Variants in DNAH14 observed in about 807,000 individuals in gnomAD.
DNAH14 encodes the protein axonemal beta dynein heavy chain 14.
In DNAH14, 478 loss-of-function variants were observed where a neutral mutation model predicts 520.9. The ratio of observed to expected loss-of-function variants is 0.92; its 90% CI spans 0.85 to 0.99. The LOEUF (loss-of-function observed/expected upper bound fraction) is 0.99, where lower values mean the gene tolerates loss of function less well. Ranked by LOEUF, DNAH14 falls within the 50% of genes least tolerant of loss-of-function variation. The pLI, the probability that DNAH14 is intolerant of heterozygous loss-of-function variation, is 0.00. For synonymous variants in DNAH14, 1,581 were observed against 1,757.2 expected (o/e 0.90, Z 2.51); for missense variants, 4,831 against 5,234.5 (o/e 0.92, Z 2.38).
intron 43 of DNAH14, among the ~76,000 whole-genome samples, chr1:225,244,827 G>A (rs2092182499): frequency 6.6e-6 from 1 of 152,032 alleles, no homozygotes; most frequent in Non-Finnish European, 1.5e-5. Context: ...CTTATGAAGG[G>A]TTTTTCATGT....
chr1:225,300,922 C>A lies in DNAH14; in HGVS notation c.8523C>A (p.Asp2841Glu). Residue 2841 changes from aspartate to glutamate, a missense_variant, in exon 56 of 86, where the codon GAC becomes GAA. Asp to Glu is a conservative substitution (Grantham distance 45). Transcript: ENST00000682510. ...TCATCAGTTCAGGAAGAATACCTGA[C>A]CTGTTTGAAAATGTTGAGCTGGATT... Reference protein sequence around the residue: ...NYIISSGRIPDLFENVELDSI... With the variant: ...NYIISSGRIPELFENVELDSI... 1 of 1,551,356 alleles carries A rather than the reference C, an allele frequency of 6.4e-7. No homozygotes were observed. Among genetic ancestry groups the A allele is most frequent in the Non-Finnish European group, 8.7e-7 (1 of 1,146,864 alleles).
At chr1:225,231,297 G>C in intron 42 of DNAH14, 146 bp downstream of exon 42, 1 of 575,312 alleles carries the variant, frequency 1.7e-6, no homozygotes, top group African/African-American at 1.9e-5. Flanking sequence ...TTCCAACTTA[G>C]AGTTCTTTGT....
intron 8 of DNAH14, among the ~76,000 whole-genome samples, chr1:225,001,646 A>G (rs2063782992): frequency 6.6e-6 from 1 of 152,284 alleles, no homozygotes; most frequent in African/African-American, 2.4e-5. Context: ...TATGCAAACC[A>G]AAATTTAATA....
At chr1:225,057,488 A>T (rs2148371019) in intron 17 of DNAH14, among the ~76,000 whole-genome samples, 1 of 152,258 alleles carries the variant, frequency 6.6e-6, no homozygotes, top group South Asian at 2.1e-4. Context: ...GGACAATTTG[A>T]CTTCCTCTTT....
At chr1:224,975,087 T>C (rs368796421) in intron 8 of DNAH14, among the ~76,000 whole-genome samples, 14 of 152,012 alleles carry the variant, frequency 9.2e-5, no homozygotes, top group East Asian at 3.9e-4. Context: ...CGCTTGATCA[T>C]GGTGGATAAG....
chr1:225,049,756 ATCTG>A (rs1230299806), intron 15 of DNAH14, among the ~76,000 whole-genome samples: 4 of 143,664 alleles, frequency 2.8e-5, no homozygotes, highest in African/African-American at 7.8e-5. Flanking sequence ...TTGTTTATCT[ATCTG>A]TCTATCTATC....
intron 54 of DNAH14, among the ~76,000 whole-genome samples, chr1:225,281,342 ATC>A (rs142569037): frequency 4.7e-4 from 71 of 149,520 alleles, no homozygotes; most frequent in Non-Finnish European, 4.5e-4. Flanking sequence ...CAGTCATAAC[ATC>A]TCTCTCTCTC....
intron 44 of DNAH14, 73 bp from the exon 45 acceptor site, chr1:225,257,887 C>CAAAAAA: frequency 3.1e-6 from 3 of 957,184 alleles, no homozygotes; most frequent in Admixed American, 3.5e-5. Flanking sequence ...ATCCTAATGA[C>CAAAAAA]AAAAAAAAAA....
chr1:224,999,912 A>G (rs1261166216), intron 8 of DNAH14, among the ~76,000 whole-genome samples: 1 of 152,126 alleles, frequency 6.6e-6, no homozygotes, highest in African/African-American at 2.4e-5. Context: ...AAACATTGTT[A>G]TAATTTTTGC....
chr1:225,270,732 C>T lies in DNAH14; in HGVS notation c.7540-3C>T. ...TTACTCTTCCTTTTTATCCTTATCA[C>T]AGAATATTCAAGATCTGTCTATAGT... On this transcript the variant is annotated splice_polypyrimidine_tract_variant and splice_region_variant and intron_variant, in intron 49 of 85. Coordinates refer to ENST00000682510, the MANE Select transcript of DNAH14 (RefSeq NM_001367479.1). 1 of 1,550,284 alleles carries T rather than the reference C, an allele frequency of 6.5e-7. No homozygotes were observed. Among genetic ancestry groups the T allele is most frequent in the East Asian group, 2.4e-5 (1 of 40,864 alleles).
chr1:225,003,054 T>C, intron 9 of DNAH14, 127 bp downstream of exon 9: 1 of 837,656 alleles, frequency 1.2e-6, no homozygotes, highest in East Asian at 3.0e-5. Flanking sequence ...ATTACTACCG[T>C]TCTAAAATAT....
At chr1:225,131,023 G>C (rs1294951577) in intron 27 of DNAH14, among the ~76,000 whole-genome samples, 1 of 152,060 alleles carries the variant, frequency 6.6e-6, no homozygotes, top group Non-Finnish European at 1.5e-5. Flanking sequence ...AAGATGGGTA[G>C]ATGTATAGAT....
intron 85 of DNAH14, 53 bp from the exon 86 acceptor site, chr1:225,399,001 C>T: frequency 7.7e-7 from 1 of 1,296,376 alleles, no homozygotes; most frequent in South Asian, 1.3e-5. Context: ...ATGTGAGCTA[C>T]TGATTCACTT....
rs1226791780 is a variant in DNAH14, at chr1:225,399,068, A to G, written c.13653A>G (p.Thr4551=). 1.9e-6 allele frequency: 3 copies of G among 1,548,588 alleles called. No homozygotes were observed. The highest frequency in any genetic ancestry group is 2.4e-5 in the East Asian group (1 of 40,882). The part of the protein sequence containing the change: ...YFLPTKISTK[T]PNASNQTDSE... ...TTTTTTTAAAGATTTCTACCAAAACACCAAATGCTTCCAACCAGACAGATT... is the reference window on the plus strand; with the variant it reads ...TTTTTTTAAAGATTTCTACCAAAACGCCAAATGCTTCCAACCAGACAGATT... The change falls in exon 86 of 86, where the codon ACA becomes ACG. Residue 4551 remains threonine, a synonymous_variant. Coordinates refer to ENST00000682510, the MANE Select transcript of DNAH14 (RefSeq NM_001367479.1).
At chr1:225,344,398 G>T (rs143615292) in intron 69 of DNAH14, among the ~76,000 whole-genome samples, 3 of 151,852 alleles carry the variant, frequency 2.0e-5, no homozygotes, top group African/African-American at 7.3e-5. Context: ...CCCTCTAATC[G>T]GTTCCTGTAT....
chr1:225,016,974 C>T (rs2065264964), intron 10 of DNAH14, among the ~76,000 whole-genome samples: 1 of 151,794 alleles, frequency 6.6e-6, no homozygotes, highest in African/African-American at 2.4e-5. Context: ...AATTGTCTAT[C>T]TGTATTCTCA....
At chr1:225,172,344 GATTGTAT>G (rs1490076509) in intron 36 of DNAH14, among the ~76,000 whole-genome samples, 3 of 152,138 alleles carry the variant, frequency 2.0e-5, no homozygotes, top group Non-Finnish European at 4.4e-5. Context: ...CAGATGACAT[GATTGTAT>G]ATCTAGAAAA....
At chr1:225,382,786 G>A (rs1020900830) in intron 81 of DNAH14, among the ~76,000 whole-genome samples, 3 of 151,952 alleles carry the variant, frequency 2.0e-5, no homozygotes, top group African/African-American at 2.4e-5. Flanking sequence ...TACCCAAAAG[G>A]TGAAAACAAC....
At chr1:225,124,016 G>C (rs946366652) in intron 27 of DNAH14, among the ~76,000 whole-genome samples, 3 of 151,946 alleles carry the variant, frequency 2.0e-5, no homozygotes, top group African/African-American at 7.2e-5. Flanking sequence ...GCCTCCCAAA[G>C]TGCTAGGATT....
Sources: allele counts gnomAD v4.1 joint callset (sites outside exome capture counted in the v4.1 genomes callset), GRCh38; gene constraint gnomAD v4.1.1; transcripts MANE v1.5; gene names NCBI Gene and HGNC (gene_info 2026-07-23, HGNC 2026-07-21).